ACSM5: variants seen among roughly 807,000 people sequenced by gnomAD.
The protein encoded by ACSM5 is acyl-coenzyme A synthetase ACSM5, mitochondrial.
A neutral mutation model predicts 71.6 loss-of-function variants in ACSM5; 56 were observed. The observed-to-expected ratio is 0.78, with a 90% CI of 0.63 to 0.98. The LOEUF is 0.98. Ranked by LOEUF, ACSM5 falls within the 50% of genes least tolerant of loss-of-function variation. The probability of loss-of-function intolerance (pLI) is 0.00; values close to 1 mark genes in which losing one functional copy is unlikely to be tolerated. For missense variants in ACSM5, 723 were observed against 726.0 expected (o/e 1.00, Z 0.05); for synonymous variants, 285 against 281.5 (o/e 1.01, Z -0.12).
At chr16:20,430,630 T>C (rs541200118) in intron 8 of ACSM5, among the ~76,000 whole-genome samples, 1 of 133,720 alleles carries the variant, frequency 7.5e-6, no homozygotes, top group Non-Finnish European at 1.6e-5. Context: ...AAAAGATGAA[T>C]GGAAGGAAGG....
intron 10 of ACSM5, among the ~76,000 whole-genome samples, chr16:20,434,979 T>A (rs1428220738): frequency 1.3e-5 from 2 of 152,246 alleles, no homozygotes; most frequent in Admixed American, 1.3e-4. Context: ...ATTAGAATTG[T>A]ATTGCCTATA....
At chr16:20,431,948 AAAAAAAAAT>A in intron 10 of ACSM5, among the ~76,000 whole-genome samples, 1 of 125,820 alleles carries the variant, frequency 7.9e-6, no homozygotes, top group East Asian at 2.7e-4. Context: ...CCGTATCAAA[AAAAAAAAAT>A]AATAATAATA....
At position 20,431,064 on chromosome 16, in the gene ACSM5, C is replaced by T. The variant is rs774520973; in HGVS notation, c.1197C>T (p.Tyr399=). Residue 399 remains tyrosine (Y), a synonymous_variant, in exon 9 of 14, where the codon TAC becomes TAT. Coordinates refer to ENST00000331849, the MANE Select transcript of ACSM5 (RefSeq NM_017888.3). ...CCATGGGGAAGGCGTCCCCACCCTA[C>T]GATGTGCAGGTAGCAGCCTCCCCCA... The part of the protein sequence containing the change: ...SGSMGKASPP[Y]DVQIVDDEGN... The T allele has an allele frequency of 3.7e-6, 6 of 1,613,388 alleles. No individual in the cohort carries two copies. Among genetic ancestry groups the T allele is most frequent in the East Asian group, 2.2e-5 (1 of 44,882 alleles).
At chr16:20,426,013 T>C (rs906896609) in intron 6 of ACSM5, among the ~76,000 whole-genome samples, 1 of 152,198 alleles carries the variant, frequency 6.6e-6, no homozygotes, top group Non-Finnish European at 1.5e-5. Context: ...CACACTGTTT[T>C]CCACAGTGGT....
rs1452273367 is a variant in ACSM5, at chr16:20,427,795, C to T, written c.929C>T (p.Ser310Phe). The change falls in exon 7 of 14, where the codon TCC becomes TTC. Residue 310 changes from serine to phenylalanine, a missense_variant. Physicochemically the swap from Ser to Phe is radical, Grantham distance 155. Transcript: ENST00000331849. Reference protein sequence around the residue: ...VDAKVILNTLSKFPITTLCCV... With the variant: ...VDAKVILNTLFKFPITTLCCV... ...CCCTTTGTTTTTGTTTAGACTCTCT[C>T]CAAATTCCCGATAACCACCCTCTGC... is the stretch of plus-strand genomic sequence containing the variant. 3.1e-6 allele frequency: 5 copies of T among 1,613,148 alleles called. No homozygotes were observed. Among genetic ancestry groups the T allele is most frequent in the Admixed American group, 1.7e-5 (1 of 60,008 alleles).
At chr16:20,436,357 T>A (rs1171453794) in intron 10 of ACSM5, among the ~76,000 whole-genome samples, 1 of 145,470 alleles carries the variant, frequency 6.9e-6, no homozygotes, top group African/African-American at 2.5e-5. Context: ...TGCAATCTCA[T>A]CCTGTAGCCC....
At chr16:20,424,588 G>A (rs1966941563) in intron 6 of ACSM5, among the ~76,000 whole-genome samples, 1 of 152,160 alleles carries the variant, frequency 6.6e-6, no homozygotes, top group African/African-American at 2.4e-5. Flanking sequence ...GGACACTTCT[G>A]CTCATATTAT....
chr16:20,431,296 C>T lies in ACSM5; in HGVS notation c.1283C>T (p.Pro428Leu), dbSNP rs866278243. The T allele has an allele frequency of 1.9e-6, 3 of 1,614,128 alleles. No homozygotes were observed. The highest frequency in any genetic ancestry group is 2.5e-6 in the Non-Finnish European group (3 of 1,180,000). The part of the protein sequence containing the change: ...NVAVRIRPTR[P>L]FCFFNCYLDN... ...GCCGTCCGTATCAGACCCACTCGGC[C>T]CTTCTGTTTCTTCAATTGCTATTTG... Residue 428 changes from proline to leucine, a missense_variant, in exon 10 of 14, where the codon CCC (proline) becomes CTC (leucine). Physicochemically the swap from Pro to Leu is moderately conservative, Grantham distance 98. Coordinates refer to ENST00000331849, the MANE Select transcript of ACSM5 (RefSeq NM_017888.3).
At chr16:20,415,874 AT>A (rs1966855371) in intron 2 of ACSM5, among the ~76,000 whole-genome samples, 1 of 152,184 alleles carries the variant, frequency 6.6e-6, no homozygotes. Context: ...GTCTCTGACT[AT>A]TATGGTATCC....
Position 20,424,001 on chromosome 16 carries a change from G to A in ACSM5, c.853G>A (p.Ala285Thr), listed in dbSNP as rs1319148619. Reference sequence around the variant, plus strand: ...GAAGGCAGCCTGGACTCTCTTCTCTGCCTGGCCTAATGGATCTTGCATTTT... The same window carrying A: ...GAAGGCAGCCTGGACTCTCTTCTCTACCTGGCCTAATGGATCTTGCATTTT... ...WVKAAWTLFS[A>T]WPNGSCIFVH... Residue 285 changes from alanine (A) to threonine (T), a missense_variant, in exon 6 of 14, where the codon GCC becomes ACC. By Grantham distance (58) the Ala-to-Thr change is moderately conservative. Transcript: ENST00000331849. 1 of 1,614,046 alleles carries A rather than the reference G, an allele frequency of 6.2e-7. No homozygotes were observed. Among genetic ancestry groups the A allele is most frequent in the Admixed American group, 1.7e-5 (1 of 60,000 alleles).
intron 5 of ACSM5, among the ~76,000 whole-genome samples, chr16:20,422,287 T>G (rs1239778890): frequency 2.0e-5 from 3 of 152,190 alleles, no homozygotes; most frequent in Admixed American, 6.5e-5. Flanking sequence ...AATTTTTGTA[T>G]TTTTAGTAGA....
chr16:20,437,299 G>C lies in ACSM5; in HGVS notation c.1468G>C (p.Ala490Pro). The change falls in exon 12 of 14, where the codon GCC becomes CCC. Residue 490 changes from alanine (A) to proline (P), a missense_variant. Transcript: ENST00000331849. ...YRIGPVEVES[A>P]LAEHPAVLES... ...GATCGGGCCTGTTGAAGTGGAAAGT[G>C]CCCTGGCAGAGCATCCTGCTGTCCT... 1 of 1,614,150 alleles carries C rather than the reference G, an allele frequency of 6.2e-7. No homozygotes were observed. Among genetic ancestry groups the C allele is most frequent in the Non-Finnish European group, 8.5e-7 (1 of 1,180,028 alleles).
At chr16:20,424,644 T>C (rs1966942475) in intron 6 of ACSM5, among the ~76,000 whole-genome samples, 1 of 152,240 alleles carries the variant, frequency 6.6e-6, no homozygotes, top group South Asian at 2.1e-4. Context: ...CTGCATAGGC[T>C]GTGCCATCAG....
intron 10 of ACSM5, among the ~76,000 whole-genome samples, chr16:20,434,309 T>C (rs1029586066): frequency 6.6e-6 from 1 of 152,052 alleles, no homozygotes; most frequent in Admixed American, 6.6e-5. Context: ...GAGATAGGGG[T>C]CTATTTTATT....
At chr16:20,412,736 G>A (rs1343853400) in intron 2 of ACSM5, among the ~76,000 whole-genome samples, 1 of 152,100 alleles carries the variant, frequency 6.6e-6, no homozygotes, top group East Asian at 1.9e-4. Context: ...ATAACAGTAG[G>A]CACAAACAAT....
chr16:20,415,664 G>C (rs2141641116), intron 2 of ACSM5, among the ~76,000 whole-genome samples: 1 of 152,328 alleles, frequency 6.6e-6, no homozygotes, highest in South Asian at 2.1e-4. Context: ...AAGAAGAGAT[G>C]ATTTAGGGCA....
At position 20,418,174 on chromosome 16, in the gene ACSM5, G is replaced by A; in HGVS notation, c.320G>A (p.Gly107Glu). Residue 107 changes from glycine (G) to glutamate (E), a missense_variant, in exon 3 of 14, where the codon GGG becomes GAG. Physicochemically the swap from Gly to Glu is moderately conservative, Grantham distance 98 (BLOSUM62 -2). Transcript: ENST00000331849. ...TCCAGGAAGGCAGCCAATGTGCTGGGGGGTGCATGCGGCCTGCAGCCTGGG... is the reference window on the plus strand; with the variant it reads ...TCCAGGAAGGCAGCCAATGTGCTGGAGGGTGCATGCGGCCTGCAGCCTGGG... Reference protein sequence around the residue: ...KQSRKAANVLGGACGLQPGDR... With the variant: ...KQSRKAANVLEGACGLQPGDR... 6.2e-7 allele frequency: 1 copy of A among 1,613,360 alleles called. No homozygotes were observed. Among genetic ancestry groups the A allele is most frequent in the South Asian group, 1.1e-5 (1 of 91,040 alleles).
At chr16:20,428,311 A>T (rs1338025094) in intron 7 of ACSM5, among the ~76,000 whole-genome samples, 3 of 152,176 alleles carry the variant, frequency 2.0e-5, no homozygotes, top group African/African-American at 2.4e-5. Flanking sequence ...GGTGTGGTGA[A>T]ACTAACAAGC....
intron 2 of ACSM5, 65 bp from the exon 3 acceptor site, chr16:20,417,994 G>T: frequency 1.8e-5 from 27 of 1,468,732 alleles, no homozygotes; most frequent in Non-Finnish European, 2.4e-5. Context: ...ACATTAAACA[G>T]CAACAAGCAA....
Sources: gnomAD v4.1 joint callset for allele counts (sites outside exome capture counted in the v4.1 genomes callset) on GRCh38, gnomAD v4.1.1 for gene constraint, MANE v1.5 for transcripts, NCBI Gene and HGNC (gene_info 2026-07-23, HGNC 2026-07-21) for gene names.